FOXK1: variants seen among roughly 807,000 people sequenced by gnomAD.
The protein encoded by FOXK1 is forkhead box protein K1.
A neutral mutation model predicts 51.9 loss-of-function variants in FOXK1; 19 were observed. The observed-to-expected ratio is 0.37, with a 90% CI of 0.26 to 0.54. FOXK1 has a LOEUF of 0.54. Ranked by LOEUF, FOXK1 falls within the 20% of genes least tolerant of loss-of-function variation. FOXK1 has a pLI of 0.87. For missense variants in FOXK1, 870 were observed against 1,032.7 expected, an observed-to-expected ratio of 0.84 and a Z score of 2.16; for synonymous variants, 537 against 482.6, an observed-to-expected ratio of 1.11 and a Z score of -1.48.
intron 1 of FOXK1, among the ~76,000 whole-genome samples, chr7:4,732,426 G>A (rs1375576575): frequency 1.3e-5 from 2 of 152,132 alleles, no homozygotes; most frequent in South Asian, 4.1e-4. Flanking sequence ...CCAAGTAGTT[G>A]GGACTACAGG....
intron 1 of FOXK1, among the ~76,000 whole-genome samples, chr7:4,705,968 A>ATG (rs1780087840): frequency 2.6e-5 from 2 of 77,290 alleles, no homozygotes; most frequent in African/African-American, 1.7e-4. Context: ...ATGTATATAT[A>ATG]TATACGTATA....
chr7:4,767,440 C>A lies in FOXK1; in HGVS notation c.*4976C>A. On this transcript the variant is annotated 3_prime_UTR_variant, in exon 9 of 9. Coordinates refer to ENST00000328914, the MANE Select transcript of FOXK1 (RefSeq NM_001037165.2). The surrounding 1 kb of genome is among the most constrained non-coding windows in gnomAD (Gnocchi z 6.6). The stretch of plus-strand genomic sequence containing the variant: ...ACACTCCTGATGAAAACGTGTTTAC[C>A]CACAGCCTCGCCTCGAGCCTCCTTG... 6.6e-6 allele frequency: 1 copy of A among 152,314 alleles called. No homozygotes were observed. 9.4% of individuals were successfully genotyped at this position (152,314 alleles called of 1,614,324 possible). A position where few individuals can be genotyped will look rare whatever the true frequency, so the allele number is the denominator to read the frequency against.
Position 4,688,171 on chromosome 7 carries a change from TC to T in FOXK1, c.560+5308del, listed in dbSNP as rs543430616. On this transcript the variant is annotated intron_variant, in intron 1 of 8. Coordinates refer to ENST00000328914, the MANE Select transcript of FOXK1 (RefSeq NM_001037165.2). The stretch of plus-strand genomic sequence containing the variant: ...TTTTATCTTCACCCCCATTCACCTT[TC>T]CCCCTCGCCCCAGTTCTTTAGAAGC... Among the ~76,000 whole-genome samples, 135 of 150,106 alleles carry T rather than the reference TC, an allele frequency of 9.0e-4. 1 individual carries two copies. Among genetic ancestry groups the T allele is most frequent in the African/African-American group, 2.6e-3 (105 of 40,980 alleles).
At chr7:4,719,825 C>T (rs1269286632) in intron 1 of FOXK1, among the ~76,000 whole-genome samples, 1 of 151,290 alleles carries the variant, frequency 6.6e-6, no homozygotes, top group African/African-American at 2.5e-5. Flanking sequence ...ATCTGCAGAG[C>T]CTCTTCAGTG....
rs1460785863 is a variant in FOXK1, at chr7:4,715,768, C to CCT, written c.561-25070_561-25069insCT. Among the ~76,000 whole-genome samples, 1 of 152,132 alleles carries CCT rather than the reference C, an allele frequency of 6.6e-6. No individual in the cohort carries two copies. Among genetic ancestry groups the CCT allele is most frequent in the African/African-American group, 2.4e-5 (1 of 41,420 alleles). ...CGGGCACCCTGAGGTTCCCTCACAG[C>CCT]GAATCCACCGAAGAGCGCTCCCATC... On this transcript the variant is annotated intron_variant, in intron 1 of 8. Coordinates refer to ENST00000328914, the MANE Select transcript of FOXK1 (RefSeq NM_001037165.2). The surrounding 1 kb of genome is among the most constrained non-coding windows in gnomAD (Gnocchi z 4.5).
At chr7:4,754,361 C>T (rs1304597447) in intron 2 of FOXK1, 98 bp from the exon 3 acceptor site, 25 of 1,391,590 alleles carry the variant, frequency 1.8e-5, no homozygotes, top group African/African-American at 5.8e-5. Flanking sequence ...GAGCTTCTTC[C>T]CCACAGCCCC....
chr7:4,708,798 C>A lies in FOXK1; in HGVS notation c.560+25930C>A, dbSNP rs530311533. Among the ~76,000 whole-genome samples, 12 of 152,292 alleles carry A rather than the reference C, an allele frequency of 7.9e-5. No homozygotes were observed. The South Asian group carries it at 1.4e-3, about 18-fold the overall frequency. On this transcript the variant is annotated intron_variant, in intron 1 of 8. Coordinates refer to ENST00000328914, the MANE Select transcript of FOXK1 (RefSeq NM_001037165.2). ...AGGCTGGTAAGGCCGGGCTTGGTGG[C>A]TCACGCCTGTAATCCCAGCACTTTG... is the stretch of plus-strand genomic sequence containing the variant.
Position 4,749,190 on chromosome 7 carries a change from C to CA in FOXK1, c.747-5268dup, listed in dbSNP as rs1349749908. Among the ~76,000 whole-genome samples, 9 of 152,212 alleles carry CA rather than the reference C, an allele frequency of 5.9e-5. No homozygotes were observed. Among genetic ancestry groups the CA allele is most frequent in the Non-Finnish European group, 1.3e-4 (9 of 68,002 alleles). ...GTTCTTGCTCTGCAGGTGTGCTTTG[C>CA]ATGCTGTTCTTACTGTCCTACAGAG... On this transcript the variant is annotated intron_variant, in intron 2 of 8. Coordinates refer to ENST00000328914, the MANE Select transcript of FOXK1 (RefSeq NM_001037165.2). The surrounding 1 kb of genome is among the most constrained non-coding windows in gnomAD (Gnocchi z 6.0).
chr7:4,695,067 G>A (rs978112255), intron 1 of FOXK1, among the ~76,000 whole-genome samples: 8 of 152,218 alleles, frequency 5.3e-5, no homozygotes, highest in African/African-American at 1.9e-4. Flanking sequence ...AGAACAGGCC[G>A]GCCTTAGCCA....
chr7:4,689,161 A>G (rs1583179584), intron 1 of FOXK1, among the ~76,000 whole-genome samples: 1 of 151,994 alleles, frequency 6.6e-6, no homozygotes, highest in East Asian at 1.9e-4. Context: ...TATTTTTAGT[A>G]GAGAGGGGGT....
rs528462016 is a variant in FOXK1 at position 4,765,722 on chromosome 7, A to C, written c.*3258A>C. 40 of 152,358 alleles carry C rather than the reference A, an allele frequency of 2.6e-4. No individual in the cohort carries two copies. The highest frequency in any genetic ancestry group is 2.5e-3 in the Admixed American group (39 of 15,302). The allele number at this position is 152,358 out of a possible 1,614,324, so 9.4% of individuals were successfully genotyped here. On this transcript the variant is annotated 3_prime_UTR_variant, in exon 9 of 9. Coordinates refer to ENST00000328914, the MANE Select transcript of FOXK1 (RefSeq NM_001037165.2). Reference sequence around the variant, plus strand: ...GGGCTCCCTCAGAGCCCCTGGGCCCAGTAACCCGCTTCTGTCTCCTGACTC... The same window carrying C: ...GGGCTCCCTCAGAGCCCCTGGGCCCCGTAACCCGCTTCTGTCTCCTGACTC...
chr7:4,728,184 CTCTT>C, intron 1 of FOXK1, among the ~76,000 whole-genome samples: 1 of 152,214 alleles, frequency 6.6e-6, no homozygotes, highest in East Asian at 1.9e-4. Context: ...TGTGACACGA[CTCTT>C]TCTTGCCTGC....
At position 4,711,217 on chromosome 7, in the gene FOXK1, C is replaced by G. The variant is rs1228747580; in HGVS notation, c.560+28349C>G. On this transcript the variant is annotated intron_variant, in intron 1 of 8. Transcript: ENST00000328914. This position sits in a 1 kb window ranked among gnomAD's most constrained non-coding sequence, Gnocchi z 6.3. ...CCAGCTCTGTTCAGGAAGCGTTGTG[C>G]TGGTGTGCCCTCCTGGGTCCCGACA... 2.0e-5 allele frequency among the ~76,000 whole-genome samples: 3 copies of G among 152,152 alleles called. No homozygotes were observed. Among genetic ancestry groups the G allele is most frequent in the Admixed American group, 2.0e-4 (3 of 15,270 alleles).
In FOXK1 at chr7:4,761,440, C is replaced by A; in HGVS notation, c.1921+152C>A. ...CTATACTCCAGGCACTGGGGTAATG[C>A]AAAGAAAAAGAGGGTGGAAGGGGCC... On this transcript the variant is annotated intron_variant, in intron 8 of 8. Coordinates refer to ENST00000328914, the MANE Select transcript of FOXK1 (RefSeq NM_001037165.2). This position sits in a 1 kb window ranked among gnomAD's most constrained non-coding sequence, Gnocchi z 6.2. 2.3e-6 allele frequency: 2 copies of A among 885,212 alleles called. No homozygotes were observed. Among genetic ancestry groups the A allele is most frequent in the Admixed American group, 4.9e-5 (2 of 40,690 alleles). 54.8% of individuals were successfully genotyped at this position (885,212 alleles called of 1,614,324 possible).
At position 4,755,615 on chromosome 7, in the gene FOXK1, G is replaced by T. The variant is rs545730874; in HGVS notation, c.1050+232G>T. On this transcript the variant is annotated intron_variant, in intron 4 of 8. Coordinates refer to ENST00000328914, the MANE Select transcript of FOXK1 (RefSeq NM_001037165.2). This position sits in a 1 kb window ranked among gnomAD's most constrained non-coding sequence, Gnocchi z 6.6. ...AGTGTGGTGGTGCACACCTGTGGTC[G>T]CAGCTACTCGGAGGCTGAGGTGGGA... Among the ~76,000 whole-genome samples the T allele has an allele frequency of 6.6e-6, 1 of 152,106 alleles. No homozygotes were observed. Among genetic ancestry groups the T allele is most frequent in the African/African-American group, 2.4e-5 (1 of 41,430 alleles).
In FOXK1 at chr7:4,762,266, G is replaced by T. The variant is rs1780942400; in HGVS notation, c.2004G>T (p.Gly668=). Residue 668 remains glycine (G), a synonymous_variant, in exon 9 of 9, where the codon GGG becomes GGT. Coordinates refer to ENST00000328914, the MANE Select transcript of FOXK1 (RefSeq NM_001037165.2). The surrounding 1 kb of genome is among the most constrained non-coding windows in gnomAD (Gnocchi z 5.7). ...TGGTCACCCGGGTGTGCGAGGTGGG[G>T]CCCAAGGAGCCAGCAGCAGCCGTCG... ...PVVVTRVCEV[G]PKEPAAAVAA... 1.3e-6 allele frequency: 2 copies of T among 1,551,048 alleles called. No individual in the cohort carries two copies. Among genetic ancestry groups the T allele is most frequent in the Non-Finnish European group, 1.7e-6 (2 of 1,147,058 alleles).
chr7:4,686,437 A>C (rs953792327), intron 1 of FOXK1, among the ~76,000 whole-genome samples: 2 of 151,878 alleles, frequency 1.3e-5, no homozygotes, highest in Non-Finnish European at 2.9e-5. Flanking sequence ...TTGGTGGGGG[A>C]AAAAAAAGAC....
intron 1 of FOXK1, among the ~76,000 whole-genome samples, chr7:4,738,499 G>A (rs1780587950): frequency 6.6e-6 from 1 of 152,048 alleles, no homozygotes; most frequent in African/African-American, 2.4e-5. Context: ...TACTGATGCA[G>A]GAAATCTCCA....
intron 1 of FOXK1, among the ~76,000 whole-genome samples, chr7:4,705,597 C>T (rs1780078845): frequency 6.7e-6 from 1 of 150,020 alleles, no homozygotes; most frequent in Non-Finnish European, 1.5e-5. Flanking sequence ...AGTACACTGG[C>T]GCAATGTCTG....
Sources: allele counts gnomAD v4.1 joint callset (sites outside exome capture counted in the v4.1 genomes callset), GRCh38; gene constraint gnomAD v4.1.1; non-coding constraint Gnocchi (gnomAD v3.1); transcripts MANE v1.5; gene names NCBI Gene and HGNC (gene_info 2026-07-23, HGNC 2026-07-21).